Variants in FHOD3 observed in about 807,000 individuals in gnomAD.
FHOD3 encodes formin homology 2 domain containing 3, also known as FH1/FH2 domain-containing protein 3.
In FHOD3, 90 loss-of-function variants were observed where a neutral mutation model predicts 173.0. The ratio of observed to expected loss-of-function variants is 0.52; its 90% confidence interval spans 0.44 to 0.62. FHOD3 has a LOEUF of 0.62. FHOD3 is among the 20% of genes least tolerant of loss of function. FHOD3 has a pLI of 0.00. For missense variants in FHOD3, 1,945 were observed against 2,034.7 expected, an observed-to-expected ratio of 0.96 and a Z score of 0.85; for synonymous variants, 828 against 823.0, an observed-to-expected ratio of 1.01 and a Z score of -0.10.
intron 16 of FHOD3, among the ~76,000 whole-genome samples, chr18:36,690,174 T>C (rs2038871928): frequency 1.3e-5 from 2 of 152,218 alleles, no homozygotes; most frequent in Non-Finnish European, 2.9e-5. Flanking sequence ...TCCTTGTTTA[T>C]TATTAAATCG....
At chr18:36,624,619 A>T (rs1052344421) in intron 9 of FHOD3, among the ~76,000 whole-genome samples, 1 of 152,068 alleles carries the variant, frequency 6.6e-6, no homozygotes, top group Non-Finnish European at 1.5e-5. Flanking sequence ...GAGTGAGATT[A>T]AGAGATGGAA....
intron 12 of FHOD3, 79 bp downstream of exon 12, chr18:36,653,008 T>C: frequency 1.4e-6 from 2 of 1,445,130 alleles, no homozygotes; most frequent in Non-Finnish European, 1.8e-6. Context: ...CCCCTTGGCT[T>C]GGCTTCTGCC....
chr18:36,747,000 C>G lies in FHOD3; in HGVS notation c.4097C>G (p.Ala1366Gly). The G allele has an allele frequency of 6.2e-7, 1 of 1,613,176 alleles. No individual in the cohort carries two copies. The highest frequency in any genetic ancestry group is 1.1e-5 in the South Asian group (1 of 90,728). ...TGTCAGATGGAGAGAAGATGCAAAG[C>G]TTCATGGGATCACCTCAAGGCAATT... ...NLCQMERRCK[A>G]SWDHLKAIAK... is the part of the protein sequence containing the mutation. The change falls in exon 24 of 29, where the codon GCT becomes GGT. Residue 1366 changes from alanine (A) to glycine (G), a missense_variant. Ala to Gly is a moderately conservative substitution (Grantham distance 60). Transcript: ENST00000590592.
intron 9 of FHOD3, among the ~76,000 whole-genome samples, chr18:36,622,681 G>A (rs932394914): frequency 2.6e-5 from 4 of 152,196 alleles, no homozygotes; most frequent in Admixed American, 2.0e-4. Context: ...TACTCATTGC[G>A]CTGTATTTGA....
chr18:36,385,922 C>T (rs181640833), intron 3 of FHOD3, among the ~76,000 whole-genome samples: 1 of 152,282 alleles, frequency 6.6e-6, no homozygotes. Context: ...CATGACCAGG[C>T]AGTCAAACGC....
chr18:36,658,433 T>C (rs2036566255), intron 14 of FHOD3, among the ~76,000 whole-genome samples: 1 of 152,248 alleles, frequency 6.6e-6, no homozygotes, highest in Non-Finnish European at 1.5e-5. Context: ...ATAGAAAGTA[T>C]AAAAATGTCT....
intron 24 of FHOD3, among the ~76,000 whole-genome samples, chr18:36,748,882 C>A (rs2042280798): frequency 6.6e-6 from 1 of 151,976 alleles, no homozygotes; most frequent in Non-Finnish European, 1.5e-5. Flanking sequence ...AAGGACTGTG[C>A]CTCATTTTTC....
chr18:36,509,440 AAG>A (rs67126495), intron 4 of FHOD3, among the ~76,000 whole-genome samples: 4,850 of 75,764 alleles, frequency 0.064, 388 homozygotes, highest in East Asian at 0.2. Flanking sequence ...AAAAAAAAAA[AAG>A]AAAAAAAAAA....
chr18:36,748,911 A>G (rs2042282572), intron 24 of FHOD3, among the ~76,000 whole-genome samples: 1 of 151,756 alleles, frequency 6.6e-6, no homozygotes, highest in African/African-American at 2.4e-5. Context: ...TCCCACCAAC[A>G]GTCCTCAGGA....
intron 5 of FHOD3, among the ~76,000 whole-genome samples, chr18:36,553,319 T>C (rs2057739055): frequency 1.3e-5 from 2 of 152,204 alleles, no homozygotes; most frequent in African/African-American, 4.8e-5. Context: ...GGTATCAGGA[T>C]GATGCTGGCC....
chr18:36,410,155 C>G (rs1355369846), intron 3 of FHOD3, among the ~76,000 whole-genome samples: 1 of 152,184 alleles, frequency 6.6e-6, no homozygotes, highest in Admixed American at 6.5e-5. Context: ...TATTCACAGT[C>G]ACACCTAATT....
At chr18:36,763,604 A>G (rs1057291599) in intron 27 of FHOD3, among the ~76,000 whole-genome samples, 2 of 148,198 alleles carry the variant, frequency 1.3e-5, no homozygotes, top group Admixed American at 6.8e-5. Context: ...TACACGTTAT[A>G]TATAATATGT....
intron 5 of FHOD3, among the ~76,000 whole-genome samples, chr18:36,550,212 G>GTA (rs747912952): frequency 0.011 from 1,446 of 128,744 alleles, 27 homozygotes; most frequent in African/African-American, 0.032. Context: ...TATCACTTGT[G>GTA]TATATATATA....
chr18:36,763,928 T>C (rs1257082976), intron 27 of FHOD3, among the ~76,000 whole-genome samples: 1 of 152,200 alleles, frequency 6.6e-6, no homozygotes, highest in African/African-American at 2.4e-5. Flanking sequence ...TCCAAACCTC[T>C]TTCCAAAACT....
At chr18:36,426,836 C>T (rs2147173244) in intron 3 of FHOD3, among the ~76,000 whole-genome samples, 1 of 152,298 alleles carries the variant, frequency 6.6e-6, no homozygotes, top group South Asian at 2.1e-4. Flanking sequence ...TCTTCATTTT[C>T]CATAAAACCC....
At chr18:36,590,899 CAG>C (rs1259366415) in intron 6 of FHOD3, among the ~76,000 whole-genome samples, 1 of 152,192 alleles carries the variant, frequency 6.6e-6, no homozygotes, top group African/African-American at 2.4e-5. Context: ...CCCTTCACCA[CAG>C]AGATACTCAG....
intron 1 of FHOD3, among the ~76,000 whole-genome samples, chr18:36,342,684 T>C (rs998215880): frequency 6.6e-6 from 1 of 152,180 alleles, no homozygotes; most frequent in Non-Finnish European, 1.5e-5. Context: ...TTGTACTTTA[T>C]CAAAGTTAAA....
chr18:36,327,262 GA>G (rs2044719309), intron 1 of FHOD3, among the ~76,000 whole-genome samples: 1 of 152,210 alleles, frequency 6.6e-6, no homozygotes, highest in Non-Finnish European at 1.5e-5. Flanking sequence ...TGTGCTGGCA[GA>G]GCCCCATTTG....
At chr18:36,556,065 C>T (rs928635956) in intron 5 of FHOD3, among the ~76,000 whole-genome samples, 5 of 152,010 alleles carry the variant, frequency 3.3e-5, no homozygotes, top group Admixed American at 1.3e-4. Flanking sequence ...TTAAACCTGT[C>T]ATTTTACTAT....
Sources: allele counts gnomAD v4.1 joint callset (sites outside exome capture counted in the v4.1 genomes callset), GRCh38; gene constraint gnomAD v4.1.1; transcripts MANE v1.5; gene names NCBI Gene and HGNC (gene_info 2026-07-23, HGNC 2026-07-21).